The following TRPM3 variants were observed in gnomAD, a reference collection of about 807,000 sequenced individuals.
The protein encoded by TRPM3 is long transient receptor potential channel 3.
A neutral mutation model predicts 181.2 loss-of-function variants in TRPM3; 77 were observed. The observed-to-expected ratio is 0.42, with a 90% CI of 0.35 to 0.51. TRPM3 has a LOEUF of 0.51. Ranked by LOEUF, TRPM3 falls within the 20% of genes least tolerant of loss-of-function variation. The probability of loss-of-function intolerance (pLI) is 0.01; values close to 1 mark genes in which losing one functional copy is unlikely to be tolerated. For synonymous variants in TRPM3, 745 were observed against 796.4 expected, an observed-to-expected ratio of 0.94 and a Z score of 1.09; for missense variants, 1,759 against 2,196.7, an observed-to-expected ratio of 0.80 and a Z score of 3.98.
chr9:70,899,414 C>T (rs957355238), intron 1 of TRPM3, among the ~76,000 whole-genome samples: 5 of 152,162 alleles, frequency 3.3e-5, no homozygotes, highest in Non-Finnish European at 1.5e-5. Context: ...GAACCCTTTT[C>T]TATCTCTTTT....
At chr9:70,937,506 A>G (rs914165118) in intron 1 of TRPM3, among the ~76,000 whole-genome samples, 8 of 152,256 alleles carry the variant, frequency 5.3e-5, no homozygotes, top group Non-Finnish European at 1.2e-4. Flanking sequence ...AGAAAAGAGT[A>G]TCCAAAATTA....
intron 1 of TRPM3, among the ~76,000 whole-genome samples, chr9:71,339,373 ACAGT>A (rs2132593396): frequency 1.3e-5 from 2 of 152,254 alleles, no homozygotes; most frequent in South Asian, 4.1e-4. Flanking sequence ...TAACTAGAAA[ACAGT>A]CAAAGAAAAG....
At chr9:71,014,795 T>C (rs1303090080) in intron 1 of TRPM3, among the ~76,000 whole-genome samples, 1 of 152,150 alleles carries the variant, frequency 6.6e-6, no homozygotes, top group African/African-American at 2.4e-5. Flanking sequence ...GAAAATCTTT[T>C]TTTCCTCTAT....
chr9:70,616,381 T>A lies in TRPM3; in HGVS notation c.2359-306A>T, dbSNP rs143435973. Among the ~76,000 whole-genome samples the A allele has an allele frequency of 9.3e-3, 1,417 of 152,266 alleles. 13 individuals are homozygous for A. The highest frequency in any genetic ancestry group is 0.015 in the Non-Finnish European group (1,017 of 68,012). The stretch of plus-strand genomic sequence containing the variant: ...TGTCTTACCCAATTAACACCCACTT[T>A]GCATGTGGGTAACAGAGGAAAGAGA... On this transcript the variant is annotated intron_variant, in intron 17 of 25. Coordinates refer to ENST00000677713, the MANE Select transcript of TRPM3 (RefSeq NM_001366145.2).
At chr9:70,979,914 T>A (rs540032558) in intron 1 of TRPM3, among the ~76,000 whole-genome samples, 1 of 152,060 alleles carries the variant, frequency 6.6e-6, no homozygotes, top group East Asian at 1.9e-4. Flanking sequence ...TCCTATGGGA[T>A]TAGGGCCCCA....
intron 7 of TRPM3, chr9:70,783,746 TG>T: frequency 1.5e-6 from 1 of 676,564 alleles, no homozygotes; most frequent in Non-Finnish European, 1.8e-6. Flanking sequence ...CTGAACCATC[TG>T]GTACAGACTG....
Position 70,793,488 on chromosome 9 carries a change from AT to A in TRPM3, c.974-9210del, listed in dbSNP as rs1564321530. ...AAAAAAAATATATATATATATATAT[AT>A]ATAAAACACATATGTATATGTATGC... On this transcript the variant is annotated intron_variant, in intron 6 of 25. Coordinates refer to ENST00000677713, the MANE Select transcript of TRPM3 (RefSeq NM_001366145.2). 544 of 172,334 alleles carry A rather than the reference AT, an allele frequency of 3.2e-3. 32 individuals are homozygous for A. The highest frequency in any genetic ancestry group is 1.0e-2 in the South Asian group (71 of 7,106). 10.7% of individuals were successfully genotyped at this position (172,334 alleles called of 1,614,324 possible).
At chr9:70,588,538 G>C (rs983381016) in intron 22 of TRPM3, among the ~76,000 whole-genome samples, 2 of 152,042 alleles carry the variant, frequency 1.3e-5, no homozygotes, top group Admixed American at 6.5e-5. Context: ...AGGTGTGTTT[G>C]AATGAGCAGC....
intron 1 of TRPM3, among the ~76,000 whole-genome samples, chr9:71,069,657 G>A (rs960531812): frequency 2.1e-5 from 3 of 142,776 alleles, no homozygotes; most frequent in African/African-American, 8.0e-5. Flanking sequence ...TGCCCAGGCT[G>A]GAGTGCAGTG....
intron 1 of TRPM3, among the ~76,000 whole-genome samples, chr9:71,081,670 T>TAC: frequency 6.6e-6 from 1 of 152,162 alleles, no homozygotes; most frequent in East Asian, 1.9e-4. Context: ...TGTTTGAAAT[T>TAC]ACACACACAC....
chr9:71,225,695 T>G (rs569191423), intron 1 of TRPM3, among the ~76,000 whole-genome samples: 70 of 152,206 alleles, frequency 4.6e-4, no homozygotes, highest in African/African-American at 1.7e-3. Flanking sequence ...AGTCTTGCTG[T>G]CACCCAAGTT....
chr9:71,057,574 T>G (rs2133281987), intron 1 of TRPM3, among the ~76,000 whole-genome samples: 1 of 152,178 alleles, frequency 6.6e-6, no homozygotes, highest in Middle Eastern at 3.4e-3. Context: ...CTATGATGTG[T>G]CTGGCATTTC....
intron 6 of TRPM3, chr9:70,811,084 A>C: frequency 9.2e-7 from 1 of 1,084,456 alleles, no homozygotes; most frequent in Non-Finnish European, 1.4e-6. Context: ...TGATACTGTT[A>C]GGAAATTATA....
chr9:70,794,207 G>A (rs990770511), intron 6 of TRPM3, among the ~76,000 whole-genome samples: 24 of 152,076 alleles, frequency 1.6e-4, no homozygotes, highest in African/African-American at 5.8e-4. Context: ...TCATGATCGT[G>A]TGGGAAGACT....
Position 70,625,607 on chromosome 9 carries a change from G to A in TRPM3, c.1633-90C>T. 1 of 1,389,934 alleles carries A rather than the reference G, an allele frequency of 7.2e-7. No homozygotes were observed. The highest frequency in any genetic ancestry group is 1.0e-6 in the Non-Finnish European group (1 of 998,008). 86.1% of individuals were successfully genotyped at this position (1,389,934 alleles called of 1,614,324 possible). A position where few individuals can be genotyped will look rare whatever the true frequency, so the allele number is the denominator to read the frequency against. On this transcript the variant is annotated intron_variant, in intron 12 of 25. Coordinates refer to ENST00000677713, the MANE Select transcript of TRPM3 (RefSeq NM_001366145.2). The surrounding 1 kb of genome is among the most constrained non-coding windows in gnomAD (Gnocchi z 4.8). ...AATATTTATTCAAGTCTTCAGCTGG[G>A]GAGAAAAAAACACCAGTGTAGAAGA...
chr9:70,556,064 G>C (rs551489150), intron 22 of TRPM3, among the ~76,000 whole-genome samples: 1 of 152,170 alleles, frequency 6.6e-6, no homozygotes, highest in Admixed American at 6.5e-5. Flanking sequence ...CTTGTGCCCA[G>C]CTGAGAGAGG....
intron 1 of TRPM3, among the ~76,000 whole-genome samples, chr9:71,156,155 A>G (rs373109866): frequency 1.2e-4 from 18 of 152,140 alleles, no homozygotes; most frequent in African/African-American, 2.6e-4. Flanking sequence ...TAATAGGTAG[A>G]CTTAGTTCAG....
At chr9:71,186,764 T>A (rs1385173671) in intron 1 of TRPM3, among the ~76,000 whole-genome samples, 1 of 152,072 alleles carries the variant, frequency 6.6e-6, no homozygotes, top group Non-Finnish European at 1.5e-5. Flanking sequence ...AGAACAGATT[T>A]GACTGTCTAT....
At chr9:70,975,158 G>T (rs981470629) in intron 1 of TRPM3, among the ~76,000 whole-genome samples, 1 of 152,064 alleles carries the variant, frequency 6.6e-6, no homozygotes, top group Non-Finnish European at 1.5e-5. Flanking sequence ...GTGAGCCACC[G>T]CACCCCGCCT....
Sources: gnomAD v4.1 joint callset for allele counts (sites outside exome capture counted in the v4.1 genomes callset) on GRCh38, gnomAD v4.1.1 for gene constraint, Gnocchi (gnomAD v3.1) non-coding constraint, MANE v1.5 for transcripts, NCBI Gene and HGNC (gene_info 2026-07-23, HGNC 2026-07-21) for gene names.